The following CAMK2D variants were observed in gnomAD, a reference collection of about 807,000 sequenced individuals.
CAMK2D encodes the protein calcium/calmodulin dependent protein kinase II delta.
A neutral mutation model predicts 84.0 loss-of-function variants in CAMK2D; 37 were observed. The ratio of observed to expected loss-of-function variants is 0.44; its 90% CI spans 0.34 to 0.58. The LOEUF (loss-of-function observed/expected upper bound fraction) is 0.58, where lower values mean the gene tolerates loss of function less well. Among genes scored for constraint, CAMK2D ranks in the 20% least tolerant of loss-of-function variants. The probability of loss-of-function intolerance (pLI) is 0.02; values close to 1 mark genes in which losing one functional copy is unlikely to be tolerated. For synonymous variants in CAMK2D, 202 were observed against 212.5 expected, an observed-to-expected ratio of 0.95 and a Z score of 0.43; for missense variants, 448 against 652.5, an observed-to-expected ratio of 0.69 and a Z score of 3.41.
At chr4:113,549,182 G>T (rs1387065059) in intron 5 of CAMK2D, among the ~76,000 whole-genome samples, 1 of 152,170 alleles carries the variant, frequency 6.6e-6, no homozygotes, top group Non-Finnish European at 1.5e-5. Flanking sequence ...AAACACAGAT[G>T]AAGTGGCAGG....
intron 10 of CAMK2D, among the ~76,000 whole-genome samples, chr4:113,514,697 C>G (rs1008482058): frequency 6.6e-6 from 1 of 152,140 alleles, no homozygotes; most frequent in Non-Finnish European, 1.5e-5. Flanking sequence ...AAACTTCATA[C>G]TTGTTTCTAA....
At chr4:113,557,127 A>G (rs990481370) in intron 4 of CAMK2D, among the ~76,000 whole-genome samples, 2 of 152,122 alleles carry the variant, frequency 1.3e-5, no homozygotes, top group African/African-American at 2.4e-5. Flanking sequence ...TATCTCCACT[A>G]CAATGTCACC....
At chr4:113,658,666 T>G (rs1163362667) in intron 3 of CAMK2D, among the ~76,000 whole-genome samples, 5 of 152,190 alleles carry the variant, frequency 3.3e-5, no homozygotes, top group African/African-American at 1.2e-4. Context: ...GCAGGGATAT[T>G]GGTCTGTTTT....
intron 1 of CAMK2D, among the ~76,000 whole-genome samples, chr4:113,760,649 A>G (rs566099901): frequency 2.2e-3 from 332 of 152,160 alleles, no homozygotes; most frequent in Non-Finnish European, 3.3e-3. Context: ...ATGGGTTCTA[A>G]TTTCCTCTCC....
chr4:113,650,063 G>A (rs1324380508), intron 3 of CAMK2D, among the ~76,000 whole-genome samples: 1 of 151,854 alleles, frequency 6.6e-6, no homozygotes, highest in Non-Finnish European at 1.5e-5. Context: ...TCCAGCCAGA[G>A]TGACAGAGTG....
At chr4:113,601,680 A>ATTTTTTTT in intron 4 of CAMK2D, among the ~76,000 whole-genome samples, 1 of 34,586 alleles carries the variant, frequency 2.9e-5, no homozygotes, top group Non-Finnish European at 6.6e-5. Flanking sequence ...TTAACTGTTT[A>ATTTTTTTT]TTCTTTTTTT....
intron 2 of CAMK2D, among the ~76,000 whole-genome samples, chr4:113,702,223 T>A (rs2099420960): frequency 6.6e-6 from 1 of 152,162 alleles, no homozygotes; most frequent in Admixed American, 6.5e-5. Flanking sequence ...GAGGCTAAGG[T>A]CCATGAGTTC....
At chr4:113,532,100 C>A (rs913874158) in intron 7 of CAMK2D, among the ~76,000 whole-genome samples, 16 of 152,114 alleles carry the variant, frequency 1.1e-4, no homozygotes, top group Non-Finnish European at 2.2e-4. Flanking sequence ...ATGAAACACA[C>A]TGTATACTTA....
chr4:113,724,390 G>C (rs979369139), intron 2 of CAMK2D, among the ~76,000 whole-genome samples: 42 of 151,684 alleles, frequency 2.8e-4, no homozygotes, highest in Middle Eastern at 3.4e-3. Flanking sequence ...ATACATAAAT[G>C]TATACAATAT....
intron 2 of CAMK2D, among the ~76,000 whole-genome samples, chr4:113,736,219 C>CA (rs2099580992): frequency 6.6e-6 from 1 of 151,168 alleles, no homozygotes; most frequent in South Asian, 2.1e-4. Flanking sequence ...TCAGATCTTC[C>CA]AAGACATCCA....
At chr4:113,744,684 T>C (rs1174101615) in intron 2 of CAMK2D, among the ~76,000 whole-genome samples, 2 of 152,136 alleles carry the variant, frequency 1.3e-5, no homozygotes, top group African/African-American at 4.8e-5. Context: ...AGCCGCAAAA[T>C]TGATTATCAC....
At position 113,660,963 on chromosome 4, in the gene CAMK2D, T is replaced by G. The variant is rs539248851; in HGVS notation, c.220+750A>C. On this transcript the variant is annotated intron_variant, in intron 3 of 20. Coordinates refer to ENST00000511664, the MANE Select transcript of CAMK2D (RefSeq NM_001321571.2). ...GGCGCCCGCCACCACGCCCGGATAA[T>G]TTTTTTGTATTTTTAGTAGAGACGG... Among the ~76,000 whole-genome samples, 15 of 139,272 alleles carry G rather than the reference T, an allele frequency of 1.1e-4. No individual in the cohort carries two copies. The South Asian group carries it at 3.1e-3, about 29-fold the overall frequency. 91.4% of individuals were successfully genotyped at this position (139,272 alleles called of 152,430 possible). A position where few individuals can be genotyped will look rare whatever the true frequency, so the allele number is the denominator to read the frequency against.
At chr4:113,727,800 A>T (rs769751054) in intron 2 of CAMK2D, among the ~76,000 whole-genome samples, 15 of 152,048 alleles carry the variant, frequency 9.9e-5, no homozygotes, top group Non-Finnish European at 1.6e-4. Flanking sequence ...ATATACAAAG[A>T]ATTCTTAGAA....
At chr4:113,754,948 A>G (rs1452423926) in intron 2 of CAMK2D, 3 of 984,668 alleles carry the variant, frequency 3.0e-6, no homozygotes, top group Non-Finnish European at 3.6e-6. Flanking sequence ...GAAACCTTCA[A>G]ATTTTAATTT....
chr4:113,603,449 A>G (rs1158449864), intron 4 of CAMK2D, among the ~76,000 whole-genome samples: 3 of 141,762 alleles, frequency 2.1e-5, no homozygotes, highest in African/African-American at 8.0e-5. Flanking sequence ...GACATGGATA[A>G]AATTGGAAAT....
chr4:113,679,425 C>G (rs890245140), intron 2 of CAMK2D: 13 of 973,310 alleles, frequency 1.3e-5, no homozygotes, highest in Middle Eastern at 1.0e-3. Flanking sequence ...ATTTTCTTTT[C>G]TTTCTTAATT....
chr4:113,670,548 A>G (rs540232647), intron 2 of CAMK2D, among the ~76,000 whole-genome samples: 1 of 152,122 alleles, frequency 6.6e-6, no homozygotes, highest in South Asian at 2.1e-4. Context: ...TATTAACTCT[A>G]CCCTCAGTCT....
At chr4:113,628,040 C>A (rs28447513) in intron 3 of CAMK2D, among the ~76,000 whole-genome samples, 5,510 of 152,108 alleles carry the variant, frequency 0.036, 329 homozygotes, top group African/African-American at 0.12. Flanking sequence ...CTCTTTAGAA[C>A]TACTATCAAG....
intron 4 of CAMK2D, among the ~76,000 whole-genome samples, chr4:113,565,897 G>C (rs1210954196): frequency 6.6e-6 from 1 of 152,030 alleles, no homozygotes; most frequent in Non-Finnish European, 1.5e-5. Context: ...ATTAGTAGAG[G>C]CTATTAATGA....
Sources: allele counts gnomAD v4.1 joint callset (sites outside exome capture counted in the v4.1 genomes callset), GRCh38; gene constraint gnomAD v4.1.1; transcripts MANE v1.5; gene names NCBI Gene and HGNC (gene_info 2026-07-23, HGNC 2026-07-21).